CCDC102B: variants seen among roughly 807,000 people sequenced by gnomAD.
CCDC102B encodes coiled-coil domain containing 102B, also known as coiled-coil domain-containing protein 102B.
CCDC102B carries 75 observed loss-of-function variants against 57.4 expected under a neutral mutation model. The ratio of observed to expected loss-of-function variants is 1.31; its 90% CI spans 1.08 to 1.58. CCDC102B has a LOEUF of 1.58. Among genes scored for constraint, CCDC102B ranks in the 40% most tolerant of loss-of-function variants. CCDC102B has a pLI of 0.00. For missense variants in CCDC102B, 636 were observed against 582.6 expected, an observed-to-expected ratio of 1.09 and a Z score of -0.94; for synonymous variants, 206 against 201.9, an observed-to-expected ratio of 1.02 and a Z score of -0.17.
chr18:68,995,667 G>A (rs553233044), intron 6 of CCDC102B, among the ~76,000 whole-genome samples: 1 of 152,108 alleles, frequency 6.6e-6, no homozygotes, highest in Non-Finnish European at 1.5e-5. Flanking sequence ...CAATGTCCAA[G>A]CAGAAGTTTG....
chr18:68,830,095 T>C (rs1179813710), intron 1 of CCDC102B, among the ~76,000 whole-genome samples: 2 of 151,938 alleles, frequency 1.3e-5, no homozygotes, highest in African/African-American at 4.8e-5. Flanking sequence ...TGTGCTCTCA[T>C]TTTAATTTCC....
intron 1 of CCDC102B, among the ~76,000 whole-genome samples, 172 bp from the exon 2 acceptor site, chr18:68,836,577 G>A (rs752974262): frequency 5.9e-5 from 8 of 136,096 alleles, no homozygotes; most frequent in African/African-American, 8.3e-5. Context: ...GCAGTGAGCC[G>A]AGATCATGCT....
chr18:68,987,641 A>G (rs1246687434), intron 6 of CCDC102B, among the ~76,000 whole-genome samples: 3 of 152,138 alleles, frequency 2.0e-5, no homozygotes, highest in African/African-American at 7.2e-5. Flanking sequence ...GAAAATATTC[A>G]CAAGCTATGC....
intron 4 of CCDC102B, among the ~76,000 whole-genome samples, chr18:68,865,200 T>G (rs2038921408): frequency 6.6e-6 from 1 of 152,122 alleles, no homozygotes; most frequent in Non-Finnish European, 1.5e-5. Flanking sequence ...CTGACACATT[T>G]GTCAAGGCAT....
At chr18:68,815,293 T>C (rs1345838276) in intron 1 of CCDC102B, among the ~76,000 whole-genome samples, 1 of 152,170 alleles carries the variant, frequency 6.6e-6, no homozygotes, top group African/African-American at 2.4e-5. Flanking sequence ...CTCCAACAAA[T>C]CTGTGTATTT....
chr18:68,901,789 C>T (rs2040463353), intron 6 of CCDC102B, among the ~76,000 whole-genome samples: 1 of 151,954 alleles, frequency 6.6e-6, no homozygotes, highest in Non-Finnish European at 1.5e-5. Flanking sequence ...GGGATGTGGC[C>T]ACCAAAGCTC....
intron 6 of CCDC102B, among the ~76,000 whole-genome samples, chr18:68,958,051 CAT>C (rs2049950397): frequency 1.3e-5 from 2 of 152,096 alleles, no homozygotes; most frequent in Non-Finnish European, 2.9e-5. Context: ...AGGTGAAAGG[CAT>C]GTCTCACATG....
chr18:68,826,051 C>T (rs73458101), intron 1 of CCDC102B, among the ~76,000 whole-genome samples: 2,785 of 152,196 alleles, frequency 0.018, 69 homozygotes, highest in African/African-American at 0.05. Flanking sequence ...AAATATCAAG[C>T]GACTAAAATG....
intron 7 of CCDC102B, among the ~76,000 whole-genome samples, chr18:69,027,162 T>G (rs960699706): frequency 1.3e-5 from 2 of 152,232 alleles, no homozygotes; most frequent in African/African-American, 4.8e-5. Context: ...AAATGACTCC[T>G]CACAGATGTC....
At chr18:68,982,875 C>G (rs1568099932) in intron 6 of CCDC102B, among the ~76,000 whole-genome samples, 1 of 151,736 alleles carries the variant, frequency 6.6e-6, no homozygotes, top group Non-Finnish European at 1.5e-5. Context: ...ATTTTAATAA[C>G]ATACTTATTA....
chr18:68,971,209 G>A (rs1404316066), intron 6 of CCDC102B, among the ~76,000 whole-genome samples: 9 of 151,680 alleles, frequency 5.9e-5, no homozygotes, highest in Non-Finnish European at 1.5e-5. Context: ...TTAGTACGTA[G>A]ACTTAAGTGT....
intron 7 of CCDC102B, among the ~76,000 whole-genome samples, chr18:69,047,499 C>CT (rs1327960218): frequency 6.6e-6 from 1 of 152,066 alleles, no homozygotes; most frequent in Non-Finnish European, 1.5e-5. Flanking sequence ...GATGCCTTGT[C>CT]TCACCACTCC....
intron 1 of CCDC102B, among the ~76,000 whole-genome samples, chr18:68,814,865 A>G (rs2036414415): frequency 6.6e-6 from 1 of 152,132 alleles, no homozygotes; most frequent in African/African-American, 2.4e-5. Flanking sequence ...GCCAAACACA[A>G]ACTTTTCTAA....
At chr18:68,864,858 T>G (rs2038907899) in intron 4 of CCDC102B, among the ~76,000 whole-genome samples, 1 of 152,154 alleles carries the variant, frequency 6.6e-6, no homozygotes, top group Admixed American at 6.5e-5. Flanking sequence ...AAAATATTCC[T>G]TATTCTTTCC....
At chr18:69,015,593 A>G (rs2145406618) in intron 7 of CCDC102B, among the ~76,000 whole-genome samples, 1 of 152,328 alleles carries the variant, frequency 6.6e-6, no homozygotes, top group African/African-American at 2.4e-5. Flanking sequence ...CCACTGCCAC[A>G]GGTCAACATA....
At chr18:68,785,010 A>G (rs1422288769) in intron 2 of CCDC102B, among the ~76,000 whole-genome samples, 2 of 118,364 alleles carry the variant, frequency 1.7e-5, no homozygotes, top group African/African-American at 6.6e-5. Context: ...CCAGAGTGTG[A>G]TATTCCCCTT....
intron 6 of CCDC102B, among the ~76,000 whole-genome samples, chr18:69,008,809 TG>T (rs2051422474): frequency 1.3e-5 from 2 of 152,216 alleles, no homozygotes; most frequent in Non-Finnish European, 2.9e-5. Context: ...TATATCAGCT[TG>T]TTTCTTCTAA....
intron 1 of CCDC102B, among the ~76,000 whole-genome samples, chr18:68,816,943 A>G (rs543132716): frequency 6.6e-6 from 1 of 152,238 alleles, no homozygotes; most frequent in Non-Finnish European, 1.5e-5. Context: ...AACTTATGCT[A>G]TGATTCACAC....
intron 2 of CCDC102B, among the ~76,000 whole-genome samples, chr18:68,731,884 A>G (rs1457777242): frequency 9.9e-6 from 1 of 101,504 alleles, no homozygotes; most frequent in Non-Finnish European, 2.4e-5. Context: ...TAGTGCAAGC[A>G]AAGCTCTTTT....
Sources: allele counts gnomAD v4.1 joint callset (sites outside exome capture counted in the v4.1 genomes callset), GRCh38; gene constraint gnomAD v4.1.1; transcripts MANE v1.5; gene names NCBI Gene and HGNC (gene_info 2026-07-23, HGNC 2026-07-21).